CYRIB: variants seen among roughly 807,000 people sequenced by gnomAD.
The protein encoded by CYRIB is CYFIP related Rac1 interactor B.
Under a neutral mutation model 44.2 loss-of-function variants are expected in CYRIB, and 8 were observed. That is an observed-to-expected ratio of 0.18 (90% CI 0.11 to 0.33). The LOEUF (loss-of-function observed/expected upper bound fraction) is 0.33, where lower values mean the gene tolerates loss of function less well. CYRIB is among the 10% of genes least tolerant of loss of function. CYRIB has a pLI of 1.00. For synonymous variants in CYRIB, 131 were observed against 127.2 expected, an observed-to-expected ratio of 1.03 and a Z score of -0.20; for missense variants, 185 against 382.8, an observed-to-expected ratio of 0.48 and a Z score of 4.31.
chr8:129,849,108 G>A (rs1183923669), intron 10 of CYRIB, 135 bp downstream of exon 12: 2 of 755,360 alleles, frequency 2.6e-6, no homozygotes, highest in African/African-American at 3.5e-5. Context: ...CAGAGGAGAT[G>A]AAAGTCCACC....
At chr8:129,980,310 T>C (rs1487559153) in intron 1 of CYRIB, among the ~76,000 whole-genome samples, 1 of 152,056 alleles carries the variant, frequency 6.6e-6, no homozygotes, top group Non-Finnish European at 1.5e-5. Context: ...AAATCTGCCT[T>C]CCAGAAATCT....
At chr8:129,840,206 A>G (rs1049014670) in exon 12 of CYRIB, 1 of 156,240 alleles carries the variant, frequency 6.4e-6, no homozygotes, top group African/African-American at 2.4e-5. Flanking sequence ...TGAAATCAAG[A>G]TATTGGTAGG....
At chr8:130,009,010 T>C (rs1175497548) in intron 1 of CYRIB, among the ~76,000 whole-genome samples, 2 of 152,208 alleles carry the variant, frequency 1.3e-5, no homozygotes, top group African/African-American at 4.8e-5. Context: ...TCACTGATGC[T>C]AGACCCTATG....
intron 1 of CYRIB, among the ~76,000 whole-genome samples, chr8:129,972,576 G>A (rs1386283600): frequency 2.0e-5 from 3 of 151,634 alleles, no homozygotes; most frequent in Non-Finnish European, 4.4e-5. Context: ...CGTCTCCAAA[G>A]AAAATAAAAA....
At chr8:129,946,140 CCTCAGCGTAAG>C (rs2094124161) in intron 2 of CYRIB, among the ~76,000 whole-genome samples, 3 of 152,188 alleles carry the variant, frequency 2.0e-5, no homozygotes. Flanking sequence ...AAAACTCTGA[CCTCAGCGTAAG>C]CTCCCTGGAT....
At chr8:129,901,103 G>A (rs769524921) in intron 2 of CYRIB, among the ~76,000 whole-genome samples, 2 of 152,158 alleles carry the variant, frequency 1.3e-5, no homozygotes, top group East Asian at 1.9e-4. Flanking sequence ...ACAGGCACAC[G>A]CCACCACACC....
chr8:130,002,720 C>T (rs1377529854), intron 1 of CYRIB, among the ~76,000 whole-genome samples: 2 of 152,204 alleles, frequency 1.3e-5, no homozygotes, highest in Non-Finnish European at 1.5e-5. Context: ...TGTAATATTC[C>T]ACCATGTGGC....
intron 2 of CYRIB, chr8:129,901,788 C>T (rs2072202462): frequency 6.6e-6 from 1 of 152,134 alleles, no homozygotes; most frequent in South Asian, 2.1e-4. Context: ...TTTTGTATTA[C>T]AATTTTTGCA....
rs2042728007 is a variant in CYRIB, at chr8:129,850,560, C to T, written c.713+275G>A. 1.0e-5 allele frequency: 4 copies of T among 392,710 alleles called. No individual in the cohort carries two copies. In the South Asian group the frequency reaches 1.5e-4, roughly 14 times the overall value. 24.3% of individuals were successfully genotyped at this position (392,710 alleles called of 1,614,324 possible). On this transcript the variant is annotated intron_variant, in intron 9 of 11. Transcript: ENST00000519824. ...ATCCCAGCCACCAAAACACCACCAC[C>T]ACTTCTGTTCTGAGAAGAGAACTAA...
chr8:129,970,621 A>C (rs931778255), intron 2 of CYRIB: 4 of 151,880 alleles, frequency 2.6e-5, no homozygotes, highest in African/African-American at 4.9e-5. Flanking sequence ...TCCTGACCTC[A>C]AGTGATCCAC....
chr8:129,929,435 G>A (rs2089974816), intron 1 of CYRIB, among the ~76,000 whole-genome samples: 1 of 152,128 alleles, frequency 6.6e-6, no homozygotes, highest in South Asian at 2.1e-4. Flanking sequence ...CCTAGACTAT[G>A]GTAATGGTTG....
At chr8:129,862,286 C>A in exon 5 of CYRIB, 2 of 1,613,828 alleles carry the variant, frequency 1.2e-6, no homozygotes, top group Non-Finnish European at 1.7e-6. Flanking sequence ...GGAACAACTG[C>A]ACCCCATGCC....
At chr8:130,009,697 A>G (rs2097179139) in intron 1 of CYRIB, among the ~76,000 whole-genome samples, 1 of 152,226 alleles carries the variant, frequency 6.6e-6, no homozygotes, top group African/African-American at 2.4e-5. Context: ...GGACGTGTAT[A>G]TGGAGGCTTT....
At chr8:129,954,970 G>A (rs2094714937) in intron 2 of CYRIB, among the ~76,000 whole-genome samples, 1 of 152,090 alleles carries the variant, frequency 6.6e-6, no homozygotes, top group African/African-American at 2.4e-5. Flanking sequence ...TGTATGTGCT[G>A]TGGCCGGACG....
At chr8:129,897,228 C>G (rs1409934121) in intron 2 of CYRIB, among the ~76,000 whole-genome samples, 1 of 152,160 alleles carries the variant, frequency 6.6e-6, no homozygotes, top group Admixed American at 6.5e-5. Flanking sequence ...ACCAAGTAGC[C>G]ATCTCACCAC....
At chr8:129,865,290 A>C (rs112162145) in intron 4 of CYRIB, among the ~76,000 whole-genome samples, 21 of 152,156 alleles carry the variant, frequency 1.4e-4, no homozygotes, top group African/African-American at 4.6e-4. Flanking sequence ...AAATTCTTTA[A>C]CTAGCTCTGC....
intron 4 of CYRIB, among the ~76,000 whole-genome samples, chr8:129,862,929 T>C (rs2050734254): frequency 6.6e-6 from 1 of 152,136 alleles, no homozygotes; most frequent in Non-Finnish European, 1.5e-5. Context: ...ATCCTTGCAA[T>C]AGATATGAAC....
intron 5 of CYRIB, among the ~76,000 whole-genome samples, chr8:129,861,066 C>A (rs1648747495): frequency 6.6e-6 from 1 of 152,168 alleles, no homozygotes; most frequent in Admixed American, 6.5e-5. Context: ...GTATGATTTT[C>A]TTATGATTAA....
At chr8:129,883,621 C>CA (rs1554743112) in intron 2 of CYRIB, among the ~76,000 whole-genome samples, 22 of 151,806 alleles carry the variant, frequency 1.4e-4, no homozygotes, top group Admixed American at 4.6e-4. Context: ...AACAAACAAA[C>CA]AAAAAAAACC....
Sources: gnomAD v4.1 joint callset for allele counts (sites outside exome capture counted in the v4.1 genomes callset) on GRCh38, gnomAD v4.1.1 for gene constraint, MANE v1.5 for transcripts, NCBI Gene and HGNC (gene_info 2026-07-23, HGNC 2026-07-21) for gene names.